ZBTB7C: variants seen among roughly 807,000 people sequenced by gnomAD.
ZBTB7C encodes the protein zinc finger and BTB domain-containing protein 7C.
In ZBTB7C, 8 loss-of-function variants were observed where a neutral mutation model predicts 25.7. That is an observed-to-expected ratio of 0.31 (90% CI 0.18 to 0.56). ZBTB7C has a LOEUF of 0.56. Ranked by LOEUF, ZBTB7C falls within the 20% of genes least tolerant of loss-of-function variation. ZBTB7C has a pLI of 0.91. For synonymous variants in ZBTB7C, 394 were observed against 369.0 expected, an observed-to-expected ratio of 1.07 and a Z score of -0.78; for missense variants, 824 against 855.2, an observed-to-expected ratio of 0.96 and a Z score of 0.46.
chr18:48,093,712 A>G (rs1160286682), intron 3 of ZBTB7C, among the ~76,000 whole-genome samples: 1 of 152,214 alleles, frequency 6.6e-6, no homozygotes, highest in Non-Finnish European at 1.5e-5. Context: ...AAAAGTCTTC[A>G]CTAGGAGGCC....
chr18:48,148,354 C>T (rs2040563342), intron 3 of ZBTB7C: 1 of 152,090 alleles, frequency 6.6e-6, no homozygotes, highest in African/African-American at 2.4e-5. Flanking sequence ...TATATTTATT[C>T]ACACAAGTTC....
At chr18:48,279,918 C>T (rs144861225) in intron 2 of ZBTB7C, among the ~76,000 whole-genome samples, 1 of 152,312 alleles carries the variant, frequency 6.6e-6, no homozygotes, top group Non-Finnish European at 1.5e-5. Flanking sequence ...CCAAGATGAG[C>T]AGATGCGAGT....
At chr18:48,322,873 A>C (rs1176428914) in intron 2 of ZBTB7C, among the ~76,000 whole-genome samples, 1 of 152,272 alleles carries the variant, frequency 6.6e-6, no homozygotes. Flanking sequence ...AGCCATAAAA[A>C]GGAATGAATT....
rs2035539256 is a variant in ZBTB7C, at chr18:48,026,757, T to C, written c.*2503A>G. The C allele has an allele frequency of 6.6e-6, 1 of 151,614 alleles. No individual in the cohort carries two copies. Among genetic ancestry groups the C allele is most frequent in the Non-Finnish European group, 1.5e-5 (1 of 67,916 alleles). 9.4% of individuals were successfully genotyped at this position (151,614 alleles called of 1,614,324 possible). ...CAAAGGTTTTTTTTTTTTTCTTTGTTAAGGTGTCTTTGACATTATTTTAAG... is the reference window on the plus strand; with the variant it reads ...CAAAGGTTTTTTTTTTTTTCTTTGTCAAGGTGTCTTTGACATTATTTTAAG... On this transcript the variant is annotated 3_prime_UTR_variant, in exon 5 of 5. Coordinates refer to ENST00000590800, the MANE Select transcript of ZBTB7C (RefSeq NM_001318841.2).
intron 2 of ZBTB7C, among the ~76,000 whole-genome samples, chr18:48,219,806 A>G (rs2042907844): frequency 6.6e-6 from 1 of 152,200 alleles, no homozygotes; most frequent in East Asian, 1.9e-4. Flanking sequence ...TTGGTCAGGT[A>G]GATCCCTATT....
intron 2 of ZBTB7C, among the ~76,000 whole-genome samples, chr18:48,257,041 A>G (rs1280602929): frequency 6.6e-6 from 1 of 152,058 alleles, no homozygotes; most frequent in Non-Finnish European, 1.5e-5. Flanking sequence ...AGTGATCTAA[A>G]CATTATAATT....
At chr18:48,126,805 T>C (rs1042209783) in intron 3 of ZBTB7C, among the ~76,000 whole-genome samples, 9 of 152,030 alleles carry the variant, frequency 5.9e-5, no homozygotes, top group Non-Finnish European at 1.0e-4. Flanking sequence ...GTGTGGAGGA[T>C]CTAAAGTCTT....
chr18:48,105,718 TTGC>T (rs907803586), intron 3 of ZBTB7C, among the ~76,000 whole-genome samples: 25 of 151,588 alleles, frequency 1.6e-4, no homozygotes, highest in African/African-American at 6.1e-4. Context: ...GTGGGGAGAG[TTGC>T]TGCTGAGAGA....
intron 2 of ZBTB7C, among the ~76,000 whole-genome samples, chr18:48,213,025 C>T (rs1207645315): frequency 2.0e-5 from 3 of 152,176 alleles, no homozygotes; most frequent in African/African-American, 4.8e-5. Flanking sequence ...AGCCGGAGAC[C>T]GGCGAGAGAA....
intron 3 of ZBTB7C, chr18:48,149,494 T>A (rs2040605629): frequency 6.6e-6 from 1 of 152,172 alleles, no homozygotes. Flanking sequence ...CCCTTCCCCA[T>A]CTAGCAATGT....
rs76268854 is a variant in ZBTB7C at position 48,164,612 on chromosome 18, T to C, written c.-17+21322A>G. Reference sequence around the variant, plus strand: ...TCCAGCACTTGGATGATGCATTTTCTTGTTGGCTGTTGTTTCATAAGCGCT... The same window carrying C: ...TCCAGCACTTGGATGATGCATTTTCCTGTTGGCTGTTGTTTCATAAGCGCT... On this transcript the variant is annotated intron_variant, in intron 3 of 4. Coordinates refer to ENST00000590800, the MANE Select transcript of ZBTB7C (RefSeq NM_001318841.2). Among the ~76,000 whole-genome samples, 80 of 152,260 alleles carry C rather than the reference T, an allele frequency of 5.3e-4. No individual in the cohort carries two copies. In the East Asian group the frequency reaches 0.014, roughly 27 times the overall value.
intron 3 of ZBTB7C, 118 bp from the exon 4 acceptor site, chr18:48,041,241 A>G: frequency 1.4e-6 from 2 of 1,432,804 alleles, no homozygotes; most frequent in South Asian, 1.5e-5. Context: ...CTGCAAGGCC[A>G]GTCCTCCTAC....
chr18:48,116,931 G>A (rs952209746), intron 3 of ZBTB7C, among the ~76,000 whole-genome samples: 7 of 152,104 alleles, frequency 4.6e-5, no homozygotes, highest in African/African-American at 1.7e-4. Context: ...AAGGGCAGGG[G>A]CTCTATGTTA....
At chr18:48,115,955 T>C (rs1394847750) in intron 3 of ZBTB7C, among the ~76,000 whole-genome samples, 1 of 152,128 alleles carries the variant, frequency 6.6e-6, no homozygotes, top group Non-Finnish European at 1.5e-5. Flanking sequence ...AGTCACTATT[T>C]AGCACTTTTG....
intron 2 of ZBTB7C, among the ~76,000 whole-genome samples, chr18:48,187,432 T>G (rs899637788): frequency 2.0e-5 from 3 of 152,208 alleles, no homozygotes; most frequent in African/African-American, 7.2e-5. Flanking sequence ...CAGGCCATTA[T>G]GCTAAGTGAA....
At chr18:48,193,874 C>T (rs1164006294) in intron 2 of ZBTB7C, among the ~76,000 whole-genome samples, 2 of 152,240 alleles carry the variant, frequency 1.3e-5, no homozygotes, top group Non-Finnish European at 2.9e-5. Flanking sequence ...TATGGAGGGT[C>T]AGCTGGGGTC....
intron 1 of ZBTB7C, among the ~76,000 whole-genome samples, chr18:48,359,899 G>C (rs1204108619): frequency 6.6e-6 from 1 of 152,142 alleles, no homozygotes; most frequent in East Asian, 1.9e-4. Flanking sequence ...TTTTGACTCG[G>C]GAAAAGTCTC....
At chr18:48,134,290 A>G (rs2144790256) in intron 3 of ZBTB7C, among the ~76,000 whole-genome samples, 1 of 152,334 alleles carries the variant, frequency 6.6e-6, no homozygotes, top group African/African-American at 2.4e-5. Context: ...CTATTACACC[A>G]TTCAGGATGG....
intron 3 of ZBTB7C, among the ~76,000 whole-genome samples, chr18:48,162,703 C>A (rs1331951972): frequency 1.3e-5 from 2 of 152,152 alleles, no homozygotes; most frequent in Non-Finnish European, 2.9e-5. Context: ...GCTGAAGTTC[C>A]CCCACAGGAA....
Sources: gnomAD v4.1 joint callset for allele counts (sites outside exome capture counted in the v4.1 genomes callset) on GRCh38, gnomAD v4.1.1 for gene constraint, MANE v1.5 for transcripts, NCBI Gene and HGNC (gene_info 2026-07-23, HGNC 2026-07-21) for gene names.